The following CPA4 variants were observed in gnomAD, a reference collection of about 807,000 sequenced individuals.
CPA4 encodes the protein carboxypeptidase A4.
CPA4 carries 49 observed loss-of-function variants against 54.7 expected under a neutral mutation model. That is an observed-to-expected ratio of 0.90 (90% confidence interval 0.71 to 1.14). The LOEUF is 1.14. CPA4 is among the 50% of genes most tolerant of loss of function. The pLI, the probability that CPA4 is intolerant of heterozygous loss-of-function variation, is 0.00. For missense variants in CPA4, 487 were observed against 525.1 expected (o/e 0.93, Z 0.71); for synonymous variants, 215 against 206.8 (o/e 1.04, Z -0.34).
At chr7:130,299,232 AC>A (rs1269074382) in intron 2 of CPA4, 37 bp from the exon 3 acceptor site, 3 of 1,606,166 alleles carry the variant, frequency 1.9e-6, no homozygotes, top group Non-Finnish European at 2.6e-6. Flanking sequence ...TTTTACCTGA[AC>A]GGTCCTTTAA....
At chr7:130,315,685 G>A (rs926519004) in intron 10 of CPA4, among the ~76,000 whole-genome samples, 2 of 152,156 alleles carry the variant, frequency 1.3e-5, no homozygotes, top group Non-Finnish European at 2.9e-5. Context: ...CAAGGTATTA[G>A]CCAGAACTAA....
chr7:130,293,390 A>G (rs1793602117), intron 1 of CPA4, 142 bp downstream of exon 1: 1 of 671,818 alleles, frequency 1.5e-6, no homozygotes, highest in Admixed American at 2.4e-5. Context: ...GTCATCCTGG[A>G]CAAGTCCACT....
chr7:130,297,398 G>A (rs1793666792), intron 1 of CPA4, among the ~76,000 whole-genome samples: 1 of 152,206 alleles, frequency 6.6e-6, no homozygotes, highest in Admixed American at 6.5e-5. Flanking sequence ...TGCCCACCCA[G>A]TGGTATCTCT....
At chr7:130,316,872 G>C (rs1408028759) in intron 10 of CPA4, among the ~76,000 whole-genome samples, 1 of 141,456 alleles carries the variant, frequency 7.1e-6, no homozygotes, top group African/African-American at 2.6e-5. Flanking sequence ...GGCAGAGGTT[G>C]CACTCCAGCC....
intron 10 of CPA4, among the ~76,000 whole-genome samples, chr7:130,313,456 T>G (rs1192483842): frequency 6.6e-6 from 1 of 152,262 alleles, no homozygotes; most frequent in Non-Finnish European, 1.5e-5. Flanking sequence ...GCCCCCTTTT[T>G]CAGCTGTTAT....
chr7:130,317,347 G>C (rs1000674594), intron 10 of CPA4, among the ~76,000 whole-genome samples: 2 of 152,206 alleles, frequency 1.3e-5, no homozygotes, highest in Admixed American at 6.5e-5. Flanking sequence ...ATACCATCTA[G>C]GTTTGTGTAA....
In CPA4 at chr7:130,319,436, T is replaced by C. The variant is rs117078387; in HGVS notation, c.1079-3053T>C. Among the ~76,000 whole-genome samples the C allele has an allele frequency of 4.3e-4, 65 of 152,294 alleles. 1 individual carries two copies. In the East Asian group the frequency reaches 0.012, roughly 29 times the overall value. Reference sequence around the variant, plus strand: ...ATTATCTATAGTTACAAAAGACATGTACAGGGGCCAAGGGAAAACTTCCCC... The same window carrying C: ...ATTATCTATAGTTACAAAAGACATGCACAGGGGCCAAGGGAAAACTTCCCC... On this transcript the variant is annotated intron_variant, in intron 10 of 10. Transcript: ENST00000222482.
intron 4 of CPA4, among the ~76,000 whole-genome samples, chr7:130,302,583 G>C (rs1793755957): frequency 6.6e-6 from 1 of 152,080 alleles, no homozygotes; most frequent in Admixed American, 6.5e-5. Context: ...GTCTCTGCCA[G>C]AGTTTCTGGT....
At chr7:130,305,761 A>G in intron 5 of CPA4, 55 bp from the exon 6 acceptor site, 1 of 1,228,502 alleles carries the variant, frequency 8.1e-7, no homozygotes, top group Non-Finnish European at 1.2e-6. Context: ...AGAGAGGAGA[A>G]GTGAGCAGAG....
chr7:130,300,616 G>A (rs1793725219), intron 3 of CPA4, among the ~76,000 whole-genome samples, 200 bp from the exon 4 acceptor site: 1 of 152,052 alleles, frequency 6.6e-6, no homozygotes, highest in African/African-American at 2.4e-5. Context: ...TTACAGACAT[G>A]AGCCACCCTG....
chr7:130,318,789 G>A (rs7781250), intron 10 of CPA4, among the ~76,000 whole-genome samples: 40,747 of 151,908 alleles, frequency 0.27, 5,751 homozygotes, highest in East Asian at 0.35. Context: ...CAAAAAAAAA[G>A]CAATCAATTT....
chr7:130,300,731 C>A, intron 3 of CPA4, 85 bp from the exon 4 acceptor site: 1 of 880,482 alleles, frequency 1.1e-6, no homozygotes, highest in South Asian at 1.4e-5. Context: ...GCCATCTTGG[C>A]TGACCCATAT....
chr7:130,322,336 G>A (rs984288968), intron 10 of CPA4, among the ~76,000 whole-genome samples, 153 bp from the exon 11 acceptor site: 1 of 152,128 alleles, frequency 6.6e-6, no homozygotes, highest in Non-Finnish European at 1.5e-5. Flanking sequence ...TGAGACATAG[G>A]GATCAGGCTG....
intron 10 of CPA4, among the ~76,000 whole-genome samples, chr7:130,313,746 A>G (rs1445682935): frequency 1.3e-5 from 2 of 152,154 alleles, no homozygotes; most frequent in African/African-American, 4.8e-5. Context: ...GAACTAGTTT[A>G]ATGGAGGGAG....
At chr7:130,316,909 C>CA (rs55938623) in intron 10 of CPA4, among the ~76,000 whole-genome samples, 64,510 of 124,564 alleles carry the variant, frequency 0.52, 16,151 homozygotes, top group South Asian at 0.59. Flanking sequence ...AACTCTGTCT[C>CA]AAAAAAAAAA....
chr7:130,308,730 T>TG lies in CPA4; in HGVS notation c.793+333_793+334insG, dbSNP rs200439647. On this transcript the variant is annotated intron_variant, in intron 8 of 10. Coordinates refer to ENST00000222482, the MANE Select transcript of CPA4 (RefSeq NM_016352.4). Reference sequence around the variant, plus strand: ...ACGCCACCACGCCCGGCTATTTTTTTTCAGTAGAGATGGGGTTTCACCATG... The same window carrying TG: ...ACGCCACCACGCCCGGCTATTTTTTTGTCAGTAGAGATGGGGTTTCACCATG... 9.0e-3 allele frequency among the ~76,000 whole-genome samples: 1,371 copies of TG among 151,624 alleles called. 28 individuals carry two copies. The highest frequency in any genetic ancestry group is 0.032 in the African/African-American group (1,313 of 41,220).
At chr7:130,300,245 C>T (rs932615841) in intron 3 of CPA4, among the ~76,000 whole-genome samples, 1 of 151,986 alleles carries the variant, frequency 6.6e-6, no homozygotes, top group Middle Eastern at 3.4e-3. Flanking sequence ...AGAGTTCATA[C>T]TATAGGATAG....
chr7:130,313,782 A>G (rs1293419641), intron 10 of CPA4, among the ~76,000 whole-genome samples: 1 of 152,246 alleles, frequency 6.6e-6, no homozygotes, highest in African/African-American at 2.4e-5. Flanking sequence ...CACAGGTTCC[A>G]GTTTAGTTGG....
intron 10 of CPA4, among the ~76,000 whole-genome samples, chr7:130,312,459 C>T (rs538819150): frequency 6.6e-6 from 1 of 152,218 alleles, no homozygotes; most frequent in Admixed American, 6.5e-5. Context: ...AGCAAGACCC[C>T]ATCTGATATG....
Sources: gnomAD v4.1 joint callset for allele counts (sites outside exome capture counted in the v4.1 genomes callset) on GRCh38, gnomAD v4.1.1 for gene constraint, MANE v1.5 for transcripts, NCBI Gene and HGNC (gene_info 2026-07-23, HGNC 2026-07-21) for gene names.